Variants in ROR1 observed in about 807,000 individuals in gnomAD.
ROR1 encodes ROR family WNT receptor 1.
A neutral mutation model predicts 78.8 loss-of-function variants in ROR1; 19 were observed. That is an observed-to-expected ratio of 0.24 (90% CI 0.17 to 0.35). The LOEUF (loss-of-function observed/expected upper bound fraction) is 0.35. ROR1 is among the 10% of genes least tolerant of loss of function. ROR1 has a pLI of 1.00. For synonymous variants in ROR1, 386 were observed against 433.6 expected (o/e 0.89, Z 1.36); for missense variants, 917 against 1,177.8 (o/e 0.78, Z 3.24).
intron 2 of ROR1, among the ~76,000 whole-genome samples, chr1:64,021,906 G>A (rs1046402613): frequency 6.6e-6 from 1 of 152,146 alleles, no homozygotes; most frequent in Non-Finnish European, 1.5e-5. Flanking sequence ...TACCCCCAAA[G>A]AATTGAAAAC....
At position 64,178,370 on chromosome 1, in the gene ROR1, C is replaced by T; in HGVS notation, c.2329C>T (p.Pro777Ser). 6.2e-7 allele frequency: 1 copy of T among 1,614,182 alleles called. No individual in the cohort carries two copies. Among genetic ancestry groups the T allele is most frequent in the Non-Finnish European group, 8.5e-7 (1 of 1,180,024 alleles). The change falls in exon 9 of 9, where the codon CCA becomes TCA. Residue 777 changes from proline (P) to serine (S), a missense_variant. Physicochemically the swap from Pro to Ser is moderately conservative, Grantham distance 74. This residue lies in a region of ROR1 where 835 missense variants were observed against 1,069.8 expected (regional missense o/e 0.78). Transcript: ENST00000371079. The surrounding 1 kb of genome is among the most constrained non-coding windows in gnomAD (Gnocchi z 4.3). The stretch of plus-strand genomic sequence containing the variant: ...ACAGACAACCTCCCTCAGTGCCAGC[C>T]CAGTGAGTAATCTCAGTAACCCCAG... Reference protein sequence around the residue: ...TTQTTSLSASPVSNLSNPRYP... With the variant: ...TTQTTSLSASSVSNLSNPRYP...
chr1:63,910,633 T>G (rs1645563010), intron 1 of ROR1, among the ~76,000 whole-genome samples: 1 of 152,178 alleles, frequency 6.6e-6, no homozygotes, highest in Admixed American at 6.5e-5. Context: ...AGCCCTGTGT[T>G]GGGACCTTTA....
chr1:63,958,369 C>T (rs1013598898), intron 1 of ROR1, among the ~76,000 whole-genome samples: 1 of 152,032 alleles, frequency 6.6e-6, no homozygotes, highest in Non-Finnish European at 1.5e-5. Flanking sequence ...AACAATTTGA[C>T]AACGAGAACA....
chr1:63,938,548 C>A (rs946102875), intron 1 of ROR1, among the ~76,000 whole-genome samples: 1 of 152,114 alleles, frequency 6.6e-6, no homozygotes. Flanking sequence ...CCACTGTATT[C>A]CCAGTGCCTT....
chr1:64,177,813 A>G lies in ROR1; in HGVS notation c.1772A>G (p.Asp591Gly), dbSNP rs768246511. ...GTVKSSLDHG[D>G]FLHIAIQIAA... is the part of the protein sequence containing the mutation. Reference sequence around the variant, plus strand: ...GTGAAATCCAGCCTGGACCACGGAGATTTTCTGCACATTGCAATTCAGATT... The same window carrying G: ...GTGAAATCCAGCCTGGACCACGGAGGTTTTCTGCACATTGCAATTCAGATT... Residue 591 changes from aspartate (D) to glycine (G), a missense_variant, in exon 9 of 9, where the codon GAT (aspartate) becomes GGT (glycine). Physicochemically the swap from Asp to Gly is moderately conservative, Grantham distance 94 (BLOSUM62 -1). This residue lies in a region of ROR1 where 835 missense variants were observed against 1,069.8 expected (regional missense o/e 0.78). Coordinates refer to ENST00000371079, the MANE Select transcript of ROR1 (RefSeq NM_005012.4). The G allele has an allele frequency of 5.6e-6, 9 of 1,613,970 alleles. No homozygotes were observed. In the African/African-American group the frequency reaches 8.0e-5, roughly 14 times the overall value.
Position 64,053,326 on chromosome 1 carries a change from G to A in ROR1, c.482+2610G>A, listed in dbSNP as rs1457917765. 2.0e-5 allele frequency among the ~76,000 whole-genome samples: 3 copies of A among 152,188 alleles called. No individual in the cohort carries two copies. The East Asian group carries it at 5.8e-4, about 29-fold the overall frequency. ...CACAACTCCTGCCTGGGAAGGGCTT[G>A]TAGGGACCCTTGGGACTATGGCCCA... On this transcript the variant is annotated intron_variant, in intron 4 of 8. Transcript: ENST00000371079.
chr1:63,890,967 G>A (rs1420357422), intron 1 of ROR1, among the ~76,000 whole-genome samples: 3 of 152,072 alleles, frequency 2.0e-5, no homozygotes, highest in African/African-American at 7.2e-5. Flanking sequence ...TATTCTCAAT[G>A]CCATGACTAA....
chr1:63,919,397 G>T (rs1236549311), intron 1 of ROR1, among the ~76,000 whole-genome samples: 1 of 150,484 alleles, frequency 6.6e-6, no homozygotes, highest in East Asian at 2.0e-4. Context: ...GACATTTTAT[G>T]CCAAAAATCA....
intron 1 of ROR1, among the ~76,000 whole-genome samples, chr1:63,902,028 A>T (rs906915806): frequency 2.0e-5 from 3 of 152,164 alleles, no homozygotes; most frequent in Non-Finnish European, 1.5e-5. Context: ...ATCTTTTTTT[A>T]TGGTGACGTT....
intron 1 of ROR1, among the ~76,000 whole-genome samples, chr1:63,933,242 G>A (rs1279180135): frequency 6.6e-6 from 1 of 152,094 alleles, no homozygotes; most frequent in African/African-American, 2.4e-5. Context: ...TATAGCTGTG[G>A]GACCTTGGCC....
At chr1:63,790,950 C>T (rs1644722732) in intron 1 of ROR1, among the ~76,000 whole-genome samples, 1 of 152,202 alleles carries the variant, frequency 6.6e-6, no homozygotes, top group Non-Finnish European at 1.5e-5. Flanking sequence ...CTGCCTTAGC[C>T]TCCCAGTACC....
At chr1:63,952,266 GC>G (rs1204632398) in intron 1 of ROR1, among the ~76,000 whole-genome samples, 1 of 151,920 alleles carries the variant, frequency 6.6e-6, no homozygotes. Flanking sequence ...AAATAGAAAG[GC>G]CCCCAAACAG....
chr1:64,025,860 G>C (rs950763001), intron 2 of ROR1, among the ~76,000 whole-genome samples: 5 of 152,238 alleles, frequency 3.3e-5, no homozygotes, highest in Admixed American at 2.0e-4. Context: ...CTGGAGACTT[G>C]GGGGAAAGGG....
chr1:63,974,920 T>C (rs1646146917), intron 1 of ROR1, among the ~76,000 whole-genome samples: 1 of 152,228 alleles, frequency 6.6e-6, no homozygotes, highest in African/African-American at 2.4e-5. Context: ...ATCGATGTGA[T>C]CTCTGACAAG....
chr1:63,790,008 C>G (rs1644716134), intron 1 of ROR1, among the ~76,000 whole-genome samples: 1 of 152,158 alleles, frequency 6.6e-6, no homozygotes, highest in African/African-American at 2.4e-5. Context: ...ACCTTTCCCC[C>G]ACCCATCAGC....
At position 64,114,134 on chromosome 1, in the gene ROR1, G is replaced by A. The variant is rs139160166; in HGVS notation, c.483-23235G>A. On this transcript the variant is annotated intron_variant, in intron 4 of 8. Coordinates refer to ENST00000371079, the MANE Select transcript of ROR1 (RefSeq NM_005012.4). ...GGCCAAGATGAGCCTCACCTACCAG[G>A]GGTAGAGAGTAGAAAGCCCAAGCTG... 1.8e-3 allele frequency among the ~76,000 whole-genome samples: 275 copies of A among 152,170 alleles called. 1 individual carries two copies. Among genetic ancestry groups the A allele is most frequent in the African/African-American group, 6.2e-3 (258 of 41,538 alleles).
chr1:64,102,018 T>C (rs1292924885), intron 4 of ROR1, among the ~76,000 whole-genome samples: 1 of 152,144 alleles, frequency 6.6e-6, no homozygotes, highest in African/African-American at 2.4e-5. Context: ...TAAGAGCTGG[T>C]CCCCATTAAT....
At chr1:64,161,852 G>C (rs1031613444) in intron 8 of ROR1, among the ~76,000 whole-genome samples, 1 of 152,036 alleles carries the variant, frequency 6.6e-6, no homozygotes. Context: ...ACTTGGCTCC[G>C]ATCAAATTTG....
At chr1:64,165,135 A>G (rs1650050032) in intron 8 of ROR1, among the ~76,000 whole-genome samples, 1 of 152,198 alleles carries the variant, frequency 6.6e-6, no homozygotes, top group African/African-American at 2.4e-5. Context: ...TTAAATTGCT[A>G]GGTCAAATGC....
Sources: allele counts gnomAD v4.1 joint callset (sites outside exome capture counted in the v4.1 genomes callset), GRCh38; gene constraint gnomAD v4.1.1; regional missense constraint gnomAD v4.1.1; non-coding constraint Gnocchi (gnomAD v3.1); transcripts MANE v1.5; gene names NCBI Gene and HGNC (gene_info 2026-07-23, HGNC 2026-07-21).